The following ORC3 variants were observed in gnomAD, a reference collection of about 807,000 sequenced individuals.
The protein encoded by ORC3 is homolog of latheo, Drosophila.
In ORC3, 78 loss-of-function variants were observed where a neutral mutation model predicts 100.7. The observed-to-expected ratio is 0.77, with a 90% confidence interval of 0.65 to 0.94. ORC3 has a LOEUF of 0.94. Among genes scored for constraint, ORC3 ranks in the 40% least tolerant of loss-of-function variants. The probability of loss-of-function intolerance (pLI) is 0.00; values close to 1 mark genes in which losing one functional copy is unlikely to be tolerated. For synonymous variants in ORC3, 295 were observed against 289.3 expected, an observed-to-expected ratio of 1.02 and a Z score of -0.20; for missense variants, 789 against 823.9, an observed-to-expected ratio of 0.96 and a Z score of 0.52.
At chr6:87,621,013 T>C (rs1779494816) in intron 9 of ORC3, among the ~76,000 whole-genome samples, 1 of 152,220 alleles carries the variant, frequency 6.6e-6, no homozygotes, top group African/African-American at 2.4e-5. Context: ...TTGGGGTATC[T>C]ATTAGACCCT....
At chr6:87,651,016 A>T (rs1371706046) in intron 13 of ORC3, 2 of 365,330 alleles carry the variant, frequency 5.5e-6, no homozygotes, top group African/African-American at 4.3e-5. Flanking sequence ...TCAAAGAAAA[A>T]ACAAAAAAAG....
At chr6:87,659,058 ATTT>A (rs71021316) in intron 16 of ORC3, among the ~76,000 whole-genome samples, 7,044 of 92,266 alleles carry the variant, frequency 0.076, 120 homozygotes, top group African/African-American at 0.13. Context: ...GTTTATTGTA[ATTT>A]TTTTTTTTTT....
At chr6:87,664,185 C>T (rs1770421422) in intron 17 of ORC3, among the ~76,000 whole-genome samples, 1 of 151,854 alleles carries the variant, frequency 6.6e-6, no homozygotes, top group Non-Finnish European at 1.5e-5. Context: ...ATTATAATAT[C>T]AGAGCAGGGT....
chr6:87,630,276 A>G (rs930088332), intron 11 of ORC3, among the ~76,000 whole-genome samples: 1 of 152,082 alleles, frequency 6.6e-6, no homozygotes, highest in Non-Finnish European at 1.5e-5. Flanking sequence ...GTGCACCTAT[A>G]TATAGTCCCA....
chr6:87,647,039 G>A (rs1361704120), intron 13 of ORC3, among the ~76,000 whole-genome samples: 1 of 152,158 alleles, frequency 6.6e-6, no homozygotes, highest in Non-Finnish European at 1.5e-5. Context: ...TACCATCATA[G>A]TCTAAGTCAT....
intron 11 of ORC3, among the ~76,000 whole-genome samples, chr6:87,626,844 G>T (rs1255891961): frequency 6.6e-6 from 1 of 151,222 alleles, no homozygotes; most frequent in Non-Finnish European, 1.5e-5. Flanking sequence ...CATAAGGTTA[G>T]TGATAATCAA....
At chr6:87,648,082 T>C (rs904059626) in intron 13 of ORC3, among the ~76,000 whole-genome samples, 3 of 152,134 alleles carry the variant, frequency 2.0e-5, no homozygotes, top group Non-Finnish European at 4.4e-5. Flanking sequence ...GCGCCTGTAG[T>C]CCCAGCTACT....
chr6:87,616,896 G>C (rs1583050735), intron 9 of ORC3, among the ~76,000 whole-genome samples: 1 of 152,068 alleles, frequency 6.6e-6, no homozygotes, highest in Non-Finnish European at 1.5e-5. Context: ...CGCCTCCCGG[G>C]TTCAAGCAAT....
rs181464135 is a variant in ORC3, at chr6:87,614,650, C to T, written c.874-1664C>T. ...TTAGAAATTTGTTCCTCAGGATACC[C>T]AAAATCATCTCCCTCAAGTTCAAAG... On this transcript the variant is annotated intron_variant, in intron 8 of 19. Transcript: ENST00000392844. Among the ~76,000 whole-genome samples the T allele has an allele frequency of 2.5e-3, 381 of 152,258 alleles. 2 individuals are homozygous for T. The highest frequency in any genetic ancestry group is 8.8e-3 in the African/African-American group (367 of 41,558).
At chr6:87,660,514 A>G (rs1433866462) in intron 16 of ORC3, among the ~76,000 whole-genome samples, 1 of 152,252 alleles carries the variant, frequency 6.6e-6, no homozygotes, top group Admixed American at 6.5e-5. Flanking sequence ...TTATGGAGAA[A>G]GGATGTCCTT....
chr6:87,616,891 C>G (rs1779195141), intron 9 of ORC3, among the ~76,000 whole-genome samples: 1 of 152,000 alleles, frequency 6.6e-6, no homozygotes, highest in African/African-American at 2.4e-5. Context: ...ACCTTCGCCT[C>G]CCGGGTTCAA....
intron 11 of ORC3, among the ~76,000 whole-genome samples, chr6:87,632,731 G>A (rs553663467): frequency 6.6e-6 from 1 of 152,210 alleles, no homozygotes; most frequent in African/African-American, 2.4e-5. Flanking sequence ...GGGCATGGTG[G>A]CAGGCACCTG....
At chr6:87,614,576 A>G (rs1468930995) in intron 8 of ORC3, among the ~76,000 whole-genome samples, 3 of 152,182 alleles carry the variant, frequency 2.0e-5, no homozygotes, top group Non-Finnish European at 4.4e-5. Context: ...CCCTCATAAA[A>G]TGGAATGCCT....
In ORC3 at chr6:87,603,410, C is replaced by A; in HGVS notation, c.204C>A (p.Asn68Lys). 6.6e-7 allele frequency: 1 copy of A among 1,515,376 alleles called. No homozygotes were observed. The highest frequency in any genetic ancestry group is 1.3e-5 in the South Asian group (1 of 76,804). 93.9% of individuals were successfully genotyped at this position (1,515,376 alleles called of 1,614,324 possible). A position where few individuals can be genotyped will look rare whatever the true frequency, so the allele number is the denominator to read the frequency against. ...GACTACAAGAGGAATTAAATAAAAACTTGTTTGACAATCTGATTGAATTTC... is the reference window on the plus strand; with the variant it reads ...GACTACAAGAGGAATTAAATAAAAAATTGTTTGACAATCTGATTGAATTTC... ...NERLQEELNK[N>K]LFDNLIEFLQ... Residue 68 changes from asparagine to lysine, a missense_variant, in exon 4 of 20, where the codon AAC becomes AAA. Around this residue, in one of 3 missense-constraint regions of ORC3, gnomAD observed 399 missense variants for 382.0 expected, o/e 1.04. Coordinates refer to ENST00000392844, the MANE Select transcript of ORC3 (RefSeq NM_012381.4).
downstream of ORC3, among the ~76,000 whole-genome samples, chr6:87,670,775 A>G (rs189419132): frequency 1.1e-3 from 160 of 152,348 alleles, no homozygotes; most frequent in Non-Finnish European, 1.6e-3. Context: ...CAGTGAGCAA[A>G]GAACCCTGCC....
chr6:87,657,553 G>A (rs2128292672), intron 15 of ORC3, among the ~76,000 whole-genome samples: 1 of 152,166 alleles, frequency 6.6e-6, no homozygotes, highest in Admixed American at 6.5e-5. Flanking sequence ...TAAAACACAT[G>A]GAATCTATTC....
Position 87,667,250 on chromosome 6 carries a change from A to AACCCCCATTGATGT in ORC3, c.*130_*131insCCCATTGATGTACC, listed in dbSNP as rs1770713679. ...AAATGTGTAACCCCCATTGATGTTT[A>AACCCCCATTGATGT]ACCAGAAAAGTACATTGCTAACCCC... On this transcript the variant is annotated 3_prime_UTR_variant, in exon 20 of 20. Transcript: ENST00000392844. The AACCCCCATTGATGT allele has an allele frequency of 1.7e-6, 1 of 585,792 alleles. No homozygotes were observed. Among genetic ancestry groups the AACCCCCATTGATGT allele is most frequent in the Non-Finnish European group, 3.0e-6 (1 of 338,624 alleles). The allele number at this position is 585,792 out of a possible 1,614,324, so 36.3% of individuals were successfully genotyped here. A position where few individuals can be genotyped will look rare whatever the true frequency, so the allele number is the denominator to read the frequency against.
Position 87,601,845 on chromosome 6 carries a change from T to C in ORC3, c.141T>C (p.Tyr47=), listed in dbSNP as rs1386871451. 3 of 1,610,806 alleles carry C rather than the reference T, an allele frequency of 1.9e-6. No homozygotes were observed. Among genetic ancestry groups the C allele is most frequent in the East Asian group, 2.2e-5 (1 of 44,854 alleles). The change falls in exon 3 of 20, where the codon TAT becomes TAC. Residue 47 remains tyrosine (Y), a synonymous_variant. Transcript: ENST00000392844. The part of the protein sequence containing the change: ...PEDSKLRFET[Y]QLIWQQMKSE... Reference sequence around the variant, plus strand: ...ACAGTAAGCTTCGATTCGAAACTTATCAGTTGATATGGCAGCAGATGAAAT... The same window carrying C: ...ACAGTAAGCTTCGATTCGAAACTTACCAGTTGATATGGCAGCAGATGAAAT...
At chr6:87,677,808 C>T in the ORC3 span, 1 of 1,610,916 alleles carries the variant, frequency 6.2e-7, no homozygotes. Flanking sequence ...CTAATAAACA[C>T]ACCTCATACC....
Sources: gnomAD v4.1 joint callset for allele counts (sites outside exome capture counted in the v4.1 genomes callset) on GRCh38, gnomAD v4.1.1 for gene constraint, gnomAD v4.1.1 regional missense constraint, MANE v1.5 for transcripts, NCBI Gene and HGNC (gene_info 2026-07-23, HGNC 2026-07-21) for gene names.